SESTD1: variants seen among roughly 807,000 people sequenced by gnomAD.
SESTD1 encodes SEC14 domain and spectrin repeat-containing protein 1.
A neutral mutation model predicts 101.7 loss-of-function variants in SESTD1; 43 were observed. That is an observed-to-expected ratio of 0.42 (90% CI 0.33 to 0.55). SESTD1 has a LOEUF of 0.55. Among genes scored for constraint, SESTD1 ranks in the 20% least tolerant of loss-of-function variants. The pLI is 0.07. For synonymous variants in SESTD1, 283 were observed against 286.8 expected (o/e 0.99, Z 0.13); for missense variants, 647 against 815.1 (o/e 0.79, Z 2.51).
At chr2:179,160,285 C>T (rs62177281) in intron 5 of SESTD1, among the ~76,000 whole-genome samples, 8,458 of 152,156 alleles carry the variant, frequency 0.056, 323 homozygotes, top group South Asian at 0.14. Context: ...CATTTTCATC[C>T]TATGATTCTA....
intron 1 of SESTD1, among the ~76,000 whole-genome samples, chr2:179,203,902 T>C (rs952239973): frequency 1.5e-5 from 2 of 133,734 alleles, no homozygotes; most frequent in Non-Finnish European, 3.2e-5. Flanking sequence ...TCCCTGTCTA[T>C]AAAAAATAAA....
intron 4 of SESTD1, among the ~76,000 whole-genome samples, chr2:179,174,978 T>C (rs927826498): frequency 1.9e-4 from 29 of 149,026 alleles, no homozygotes; most frequent in Non-Finnish European, 4.1e-4. Context: ...GGGGGGATTC[T>C]CATGATGAAA....
intron 3 of SESTD1, among the ~76,000 whole-genome samples, chr2:179,181,880 C>A (rs1447449780): frequency 6.6e-6 from 1 of 151,744 alleles, no homozygotes. Flanking sequence ...ACTGCTAATG[C>A]AATTAGCTAA....
chr2:179,146,928 T>A (rs1024872680), intron 7 of SESTD1, among the ~76,000 whole-genome samples: 2 of 151,822 alleles, frequency 1.3e-5, no homozygotes, highest in African/African-American at 4.8e-5. Flanking sequence ...TGTGTGTGTG[T>A]GTGTGTGTGT....
chr2:179,192,594 G>T (rs1427581430), intron 1 of SESTD1, among the ~76,000 whole-genome samples: 1 of 152,160 alleles, frequency 6.6e-6, no homozygotes, highest in Non-Finnish European at 1.5e-5. Flanking sequence ...GGTCTACTCA[G>T]CCATAGCCAG....
intron 1 of SESTD1, among the ~76,000 whole-genome samples, chr2:179,243,378 A>G (rs1233906723): frequency 1.2e-4 from 19 of 152,210 alleles, no homozygotes; most frequent in Admixed American, 1.2e-3. Context: ...AAACAGGACT[A>G]CCATTCGACC....
intron 1 of SESTD1, chr2:179,264,072 C>A (rs1464714861): frequency 6.6e-6 from 1 of 152,292 alleles, no homozygotes; most frequent in Non-Finnish European, 1.5e-5. Context: ...GGTTCCTGCA[C>A]GCTGGCAAAA....
intron 5 of SESTD1, among the ~76,000 whole-genome samples, chr2:179,153,120 T>C (rs2045561226): frequency 6.6e-6 from 1 of 152,154 alleles, no homozygotes; most frequent in African/African-American, 2.4e-5. Context: ...CAAGACAATT[T>C]TGTGCCAATA....
intron 17 of SESTD1, among the ~76,000 whole-genome samples, chr2:179,110,885 G>GC (rs2044491290): frequency 6.6e-6 from 1 of 152,138 alleles, no homozygotes; most frequent in Admixed American, 6.5e-5. Context: ...GAATAAAACA[G>GC]CAATTCCAAA....
chr2:179,145,226 A>G (rs2045368618), intron 8 of SESTD1, among the ~76,000 whole-genome samples: 1 of 152,074 alleles, frequency 6.6e-6, no homozygotes, highest in South Asian at 2.1e-4. Flanking sequence ...GTCACCCTTG[A>G]TTATTTTTCT....
At chr2:179,209,970 C>A in intron 1 of SESTD1, among the ~76,000 whole-genome samples, 1 of 131,690 alleles carries the variant, frequency 7.6e-6, no homozygotes, top group Admixed American at 7.4e-5. Context: ...TGAAATTAAC[C>A]ACGAAAAGTA....
At chr2:179,116,076 C>A (rs544914887) in intron 15 of SESTD1, among the ~76,000 whole-genome samples, 2 of 152,190 alleles carry the variant, frequency 1.3e-5, no homozygotes, top group Non-Finnish European at 2.9e-5. Context: ...GAGTTTAAGA[C>A]CAGCCTGGCC....
chr2:179,221,761 T>TA (rs1021882554), intron 1 of SESTD1, among the ~76,000 whole-genome samples: 2 of 149,648 alleles, frequency 1.3e-5, no homozygotes, highest in Non-Finnish European at 3.0e-5. Flanking sequence ...CCACAAAAAA[T>TA]AAAAAAATTA....
chr2:179,253,951 T>C (rs1355402136), intron 1 of SESTD1, among the ~76,000 whole-genome samples: 1 of 151,632 alleles, frequency 6.6e-6, no homozygotes, highest in Non-Finnish European at 1.5e-5. Context: ...AATACAAAAA[T>C]TAACCAGGTG....
intron 1 of SESTD1, among the ~76,000 whole-genome samples, chr2:179,236,997 G>T (rs1279989259): frequency 1.3e-5 from 2 of 151,792 alleles, no homozygotes; most frequent in Non-Finnish European, 2.9e-5. Context: ...ATCTAATTAG[G>T]TCTTAATCGT....
intron 10 of SESTD1, among the ~76,000 whole-genome samples, chr2:179,125,473 A>T (rs1184137763): frequency 6.6e-6 from 1 of 152,228 alleles, no homozygotes; most frequent in African/African-American, 2.4e-5. Flanking sequence ...CCTGTACCAG[A>T]GTAGCCGAAC....
At chr2:179,208,505 T>C (rs778755962) in intron 1 of SESTD1, among the ~76,000 whole-genome samples, 1 of 135,022 alleles carries the variant, frequency 7.4e-6, no homozygotes, top group Non-Finnish European at 1.6e-5. Context: ...GGAAAACCTA[T>C]CAGATTAACA....
intron 8 of SESTD1, among the ~76,000 whole-genome samples, chr2:179,144,298 T>TA (rs943790314): frequency 3.3e-5 from 5 of 151,280 alleles, no homozygotes; most frequent in Admixed American, 1.3e-4. Context: ...TCACAGCATT[T>TA]AAAAAAAAGG....
intron 1 of SESTD1, among the ~76,000 whole-genome samples, chr2:179,198,353 A>C (rs993254175): frequency 1.3e-5 from 2 of 152,206 alleles, no homozygotes; most frequent in Admixed American, 6.5e-5. Flanking sequence ...CACATTAATA[A>C]TGGGAGACTT....
Sources: gnomAD v4.1 joint callset for allele counts (sites outside exome capture counted in the v4.1 genomes callset) on GRCh38, gnomAD v4.1.1 for gene constraint, MANE v1.5 for transcripts, NCBI Gene and HGNC (gene_info 2026-07-23, HGNC 2026-07-21) for gene names.